Variants in TMLHE observed in about 807,000 individuals in gnomAD.
TMLHE encodes the protein trimethyllysine hydroxylase, epsilon.
A neutral mutation model predicts 25.7 loss-of-function variants in TMLHE; 18 were observed. The ratio of observed to expected loss-of-function variants is 0.70; its 90% confidence interval spans 0.48 to 1.04. TMLHE has a LOEUF of 1.04. Ranked by LOEUF, TMLHE falls within the 50% of genes least tolerant of loss-of-function variation. The probability of loss-of-function intolerance (pLI) is 0.00; values close to 1 mark genes in which losing one functional copy is unlikely to be tolerated. For missense variants in TMLHE, 236 were observed against 259.0 expected, an observed-to-expected ratio of 0.91 and a Z score of 0.61; for synonymous variants, 105 against 97.0, an observed-to-expected ratio of 1.08 and a Z score of -0.49.
At chrX:155,564,437 T>G (rs1350325265) in intron 1 of TMLHE, among the ~76,000 whole-genome samples, 1 of 61,966 alleles carries the variant, frequency 1.6e-5, no homozygotes, top group African/African-American at 3.6e-5. Context: ...AAGCACAGTC[T>G]CAGACTGCAA....
rs782682224 is a variant in TMLHE, at chrX:155,507,002, C to G, written c.891G>C (p.Leu297Phe). The stretch of plus-strand genomic sequence containing the variant: ...CAACATCTTCAATATATTCATGCTT[C>G]AATGGCACTTTACTGAGGAGTTCAA... ...EEFELLSKVPLKHEYIEDVGE... is the reference protein window; with the variant it reads ...EEFELLSKVPFKHEYIEDVGE... The change falls in exon 6 of 8, where the codon TTG becomes TTC. Residue 297 changes from leucine (L) to phenylalanine (F), a missense_variant. Coordinates refer to ENST00000334398, the MANE Select transcript of TMLHE (RefSeq NM_018196.4). 5 of 1,207,830 alleles carry G rather than the reference C, an allele frequency of 4.1e-6. No individual in the cohort carries two copies. In the African/African-American group the frequency reaches 8.8e-5, roughly 21 times the overall value.
chrX:155,552,301 T>C (rs1475777666), intron 1 of TMLHE, among the ~76,000 whole-genome samples: 1 of 110,210 alleles, frequency 9.1e-6, no homozygotes, highest in Non-Finnish European at 1.9e-5. Context: ...AAATGTCATG[T>C]GAGATTGATA....
intron 1 of TMLHE, among the ~76,000 whole-genome samples, chrX:155,609,014 T>G (rs1360439497): frequency 2.7e-5 from 3 of 112,161 alleles, no homozygotes; most frequent in African/African-American, 9.7e-5. Flanking sequence ...AGAACTACCA[T>G]TTGACCCAGC....
At chrX:155,514,493 CTAAA>C (rs1425971172) in intron 3 of TMLHE, among the ~76,000 whole-genome samples, 1 of 110,611 alleles carries the variant, frequency 9.0e-6, no homozygotes, top group Non-Finnish European at 1.9e-5. Flanking sequence ...TTCCCAGAGG[CTAAA>C]TAAGTTTACA....
Position 155,537,391 on chromosome X carries a change from T to C in TMLHE, c.181+7705A>G, listed in dbSNP as rs139458931. On this transcript the variant is annotated intron_variant, in intron 2 of 7. Coordinates refer to ENST00000334398, the MANE Select transcript of TMLHE (RefSeq NM_018196.4). ...ACTCTCCATTTTTAATGAAGACCAG[T>C]TTACTGTTGTCCACTTTATCCTTTC... Among the ~76,000 whole-genome samples, 388 of 111,556 alleles carry C rather than the reference T, an allele frequency of 3.5e-3. 2 individuals carry two copies. Among genetic ancestry groups the C allele is most frequent in the Non-Finnish European group, 5.5e-3 (290 of 53,092 alleles).
At chrX:155,548,476 C>CAA (rs2067373516) in intron 1 of TMLHE, among the ~76,000 whole-genome samples, 2 of 108,906 alleles carry the variant, frequency 1.8e-5, no homozygotes, top group Non-Finnish European at 3.8e-5. Flanking sequence ...TGGCTCATGC[C>CAA]TGAAATCCCA....
rs782644673 is a variant in TMLHE at position 155,559,083 on chromosome X, T to A, written c.-1-13806A>T. 5.7e-4 allele frequency among the ~76,000 whole-genome samples: 64 copies of A among 111,938 alleles called. No individual in the cohort carries two copies. In the Middle Eastern group the frequency reaches 0.014, roughly 24 times the overall value. On this transcript the variant is annotated intron_variant, in intron 1 of 7. Coordinates refer to ENST00000334398, the MANE Select transcript of TMLHE (RefSeq NM_018196.4). ...TTTGTTAGCCTCAGTAATATATTTA[T>A]ATAAATCCAATCTTAAAGCACCTTT... is the stretch of plus-strand genomic sequence containing the variant.
intron 1 of TMLHE, among the ~76,000 whole-genome samples, chrX:155,554,336 C>T (rs1377902386): frequency 9.1e-6 from 1 of 110,375 alleles, no homozygotes; most frequent in African/African-American, 3.3e-5. Flanking sequence ...TGACAGGTTC[C>T]CTAAGTTATG....
At chrX:155,585,255 AGG>A (rs1557345134) in intron 1 of TMLHE, among the ~76,000 whole-genome samples, 1 of 111,536 alleles carries the variant, frequency 9.0e-6, no homozygotes, top group African/African-American at 3.3e-5. Flanking sequence ...ATATAGACAA[AGG>A]GGGATAATGA....
At chrX:155,590,423 G>T (rs1603090902) in intron 1 of TMLHE, among the ~76,000 whole-genome samples, 1 of 111,587 alleles carries the variant, frequency 9.0e-6, no homozygotes, top group Admixed American at 9.5e-5. Flanking sequence ...TAATCTAAAA[G>T]ACTTTATAAA....
intron 1 of TMLHE, among the ~76,000 whole-genome samples, chrX:155,548,622 CT>C (rs2067383782): frequency 1.8e-5 from 2 of 108,341 alleles, no homozygotes; most frequent in South Asian, 8.2e-4. Flanking sequence ...GTATTCCCAG[CT>C]ACTCAGGAGG....
chrX:155,581,188 C>T (rs1340104568), intron 1 of TMLHE, among the ~76,000 whole-genome samples: 2 of 111,191 alleles, frequency 1.8e-5, no homozygotes, highest in African/African-American at 6.5e-5. Flanking sequence ...ATAATAAGAG[C>T]TATTTATGAC....
chrX:155,548,463 C>A (rs782639569), intron 1 of TMLHE, among the ~76,000 whole-genome samples: 1 of 108,931 alleles, frequency 9.2e-6, no homozygotes, highest in Non-Finnish European at 1.9e-5. Context: ...AGGCTGGGCA[C>A]GGTGGCTCAT....
intron 1 of TMLHE, among the ~76,000 whole-genome samples, chrX:155,549,152 T>C (rs782681125): frequency 9.0e-6 from 1 of 111,478 alleles, no homozygotes; most frequent in South Asian, 3.7e-4. Flanking sequence ...TGGAAATTTC[T>C]CAGCATTTTC....
At chrX:155,547,403 A>G (rs1297645042) in intron 1 of TMLHE, among the ~76,000 whole-genome samples, 1 of 111,425 alleles carries the variant, frequency 9.0e-6, no homozygotes, top group East Asian at 2.8e-4. Context: ...TCAGCCTCCC[A>G]AAGTGCTGGG....
chrX:155,558,168 G>C (rs1557341175), intron 1 of TMLHE, among the ~76,000 whole-genome samples: 1 of 111,551 alleles, frequency 9.0e-6, no homozygotes, highest in Non-Finnish European at 1.9e-5. Context: ...TTACCTCCTT[G>C]TACTTTATTG....
intron 1 of TMLHE, among the ~76,000 whole-genome samples, chrX:155,549,686 T>G (rs782143842): frequency 8.9e-4 from 98 of 110,193 alleles, no homozygotes; most frequent in Non-Finnish European, 1.5e-3. Flanking sequence ...GGTGTGTGTA[T>G]GTGTGTGTGT....
At chrX:155,606,210 A>G (rs1198239786) in intron 1 of TMLHE, among the ~76,000 whole-genome samples, 4 of 111,287 alleles carry the variant, frequency 3.6e-5, no homozygotes, top group Non-Finnish European at 7.5e-5. Flanking sequence ...ACTAACAAAG[A>G]TATTTGGGAC....
intron 2 of TMLHE, among the ~76,000 whole-genome samples, chrX:155,534,777 T>A (rs2067268761): frequency 2.7e-5 from 3 of 111,485 alleles, no homozygotes; most frequent in Admixed American, 1.9e-4. Flanking sequence ...ATGTATTTTA[T>A]GTGAGAAGAA....
Sources: allele counts gnomAD v4.1 joint callset (sites outside exome capture counted in the v4.1 genomes callset), GRCh38; gene constraint gnomAD v4.1.1; transcripts MANE v1.5; gene names NCBI Gene and HGNC (gene_info 2026-07-23, HGNC 2026-07-21).